Variants in MYOM1 observed in about 807,000 individuals in gnomAD.
MYOM1 encodes the protein myomesin 1.
Under a neutral mutation model 205.3 loss-of-function variants are expected in MYOM1, and 164 were observed. That is an observed-to-expected ratio of 0.80 (90% CI 0.70 to 0.91). The LOEUF is 0.91. Among genes scored for constraint, MYOM1 ranks in the 40% least tolerant of loss-of-function variants. MYOM1 has a pLI of 0.00. For missense variants in MYOM1, 2,011 were observed against 2,127.3 expected (o/e 0.95, Z 1.08); for synonymous variants, 772 against 789.4 (o/e 0.98, Z 0.37).
chr18:3,187,546 A>C lies in MYOM1; in HGVS notation c.863T>G (p.Val288Gly). The C allele has an allele frequency of 1.2e-6, 2 of 1,613,740 alleles. No individual in the cohort carries two copies. Among genetic ancestry groups the C allele is most frequent in the East Asian group, 2.2e-5 (1 of 44,864 alleles). Residue 288 changes from valine (V) to glycine (G), a missense_variant, in exon 5 of 38, where the codon GTT (valine) becomes GGT (glycine). Coordinates refer to ENST00000356443, the MANE Select transcript of MYOM1 (RefSeq NM_003803.4). ...CAATTTTACATTCTCCTTCTCCCAA[A>C]CCGTGTGGGAGCGAGGTTTAATGAT... Reference protein sequence around the residue: ...EFIIKPRSHTVWEKENVKLHC... With the variant: ...EFIIKPRSHTGWEKENVKLHC...
At chr18:3,187,180 C>T (rs1218996354) in intron 5 of MYOM1, among the ~76,000 whole-genome samples, 3 of 152,098 alleles carry the variant, frequency 2.0e-5, no homozygotes, top group South Asian at 4.1e-4. Context: ...GAGTTATAGA[C>T]ATATATTTGG....
At chr18:3,102,335 T>C in intron 23 of MYOM1, 139 bp downstream of exon 23, 1 of 929,060 alleles carries the variant, frequency 1.1e-6, no homozygotes, top group Non-Finnish European at 1.6e-6. Flanking sequence ...TTAAGTTGGT[T>C]ATTATTTTCT....
chr18:3,181,055 T>C (rs922455636), intron 5 of MYOM1, among the ~76,000 whole-genome samples: 14 of 152,060 alleles, frequency 9.2e-5, no homozygotes, highest in African/African-American at 3.4e-4. Context: ...GCCTCCCAAG[T>C]AGCTGGGACT....
intron 5 of MYOM1, among the ~76,000 whole-genome samples, chr18:3,183,090 C>T (rs1475506969): frequency 6.6e-6 from 1 of 151,986 alleles, no homozygotes; most frequent in Admixed American, 6.6e-5. Context: ...CCACCACACC[C>T]GGCTAATTTT....
intron 2 of MYOM1, among the ~76,000 whole-genome samples, chr18:3,214,400 G>A (rs988515686): frequency 2.6e-5 from 4 of 152,282 alleles, no homozygotes; most frequent in East Asian, 1.9e-4. Context: ...AGACTCGCCC[G>A]TGAGAACACC....
upstream of MYOM1, among the ~76,000 whole-genome samples, chr18:3,224,303 T>A (rs2081343477): frequency 6.6e-6 from 1 of 152,176 alleles, no homozygotes; most frequent in Non-Finnish European, 1.5e-5. Context: ...ATTACAGGCA[T>A]GAGCTACTGC....
intron 22 of MYOM1, 96 bp from the exon 23 acceptor site, chr18:3,102,726 G>C: frequency 7.7e-7 from 1 of 1,300,436 alleles, no homozygotes; most frequent in Non-Finnish European, 1.1e-6. Flanking sequence ...CCCTAAAGTA[G>C]GGCCCTGATC....
At chr18:3,154,754 C>T (rs555376506) in intron 11 of MYOM1, among the ~76,000 whole-genome samples, 193 bp downstream of exon 11, 3 of 150,400 alleles carry the variant, frequency 2.0e-5, no homozygotes, top group Non-Finnish European at 3.0e-5. Flanking sequence ...TATATACATA[C>T]AGAGAGAAAG....
chr18:3,214,899 G>GAGGTTGGA, intron 2 of MYOM1, 35 bp downstream of exon 2: 1 of 1,540,032 alleles, frequency 6.5e-7, no homozygotes, highest in Non-Finnish European at 8.7e-7. Context: ...GCCTCTTCCT[G>GAGGTTGGA]AGGTTGGAAG....
At chr18:3,078,875 T>C (rs1352052217) in intron 34 of MYOM1, among the ~76,000 whole-genome samples, 1 of 152,110 alleles carries the variant, frequency 6.6e-6, no homozygotes, top group Non-Finnish European at 1.5e-5. Context: ...TTTCACTATG[T>C]TGCTACAGGC....
rs565529919 is a variant in MYOM1 at position 3,179,480 on chromosome 18, G to C, written c.930-3346C>G. ...TGGATGATTTTAAATAAATGCACAC[G>C]AAGAAAGTAAGTTGACAGTCTCAGT... On this transcript the variant is annotated intron_variant, in intron 5 of 37. Transcript: ENST00000356443. This position sits in a 1 kb window ranked among gnomAD's most constrained non-coding sequence, Gnocchi z 4.4. 1.3e-5 allele frequency among the ~76,000 whole-genome samples: 2 copies of C among 152,148 alleles called. No individual in the cohort carries two copies. The highest frequency in any genetic ancestry group is 2.1e-4 in the South Asian group (1 of 4,830).
the MYOM1 span, among the ~76,000 whole-genome samples, chr18:3,239,780 A>G: frequency 2.7e-5 from 4 of 150,422 alleles, no homozygotes; most frequent in South Asian, 2.1e-4. Flanking sequence ...AAAAAAAAAA[A>G]AAAGAAATTG....
chr18:3,094,226 A>T lies in MYOM1; in HGVS notation c.3808T>A (p.Ser1270Thr). ...ATGTAGTTGACTTTGGCATTGCCAGACAGTTTCTCAGCCTGCATCCAAAAC... is the reference window on the plus strand; with the variant it reads ...ATGTAGTTGACTTTGGCATTGCCAGTCAGTTTCTCAGCCTGCATCCAAAAC... ...VRFWMQAEKL[S>T]GNAKVNYIFN... is the part of the protein sequence containing the mutation. The change falls in exon 26 of 38, where the codon TCT becomes ACT. Residue 1270 changes from serine to threonine, a missense_variant. Physicochemically the swap from Ser to Thr is moderately conservative, Grantham distance 58 (BLOSUM62 1). Coordinates refer to ENST00000356443, the MANE Select transcript of MYOM1 (RefSeq NM_003803.4). 1 of 1,613,988 alleles carries T rather than the reference A, an allele frequency of 6.2e-7. No individual in the cohort carries two copies. The highest frequency in any genetic ancestry group is 8.5e-7 in the Non-Finnish European group (1 of 1,179,878).
At chr18:3,165,253 T>C (rs950855406) in intron 9 of MYOM1, among the ~76,000 whole-genome samples, 5 of 152,248 alleles carry the variant, frequency 3.3e-5, no homozygotes, top group Non-Finnish European at 2.9e-5. Flanking sequence ...CAGTTTCATG[T>C]AAATCTCTAT....
chr18:3,089,361 G>T, intron 28 of MYOM1, 120 bp from the exon 29 acceptor site: 1 of 880,520 alleles, frequency 1.1e-6, no homozygotes, highest in Non-Finnish European at 1.7e-6. Context: ...TCTAGATTTA[G>T]CTTTTAAATA....
At chr18:3,077,152 A>G (rs936538300) in intron 34 of MYOM1, among the ~76,000 whole-genome samples, 1 of 151,702 alleles carries the variant, frequency 6.6e-6, no homozygotes, top group Admixed American at 6.6e-5. Context: ...AGCTGGGACT[A>G]TAGGTGTGTG....
rs137863700 is a variant in MYOM1 at position 3,148,406 on chromosome 18, T to C, written c.1900+739A>G. 5.5e-3 allele frequency among the ~76,000 whole-genome samples: 830 copies of C among 152,150 alleles called. 8 individuals are homozygous for C. Among genetic ancestry groups the C allele is most frequent in the African/African-American group, 0.017 (716 of 41,520 alleles). On this transcript the variant is annotated intron_variant, in intron 13 of 37. Coordinates refer to ENST00000356443, the MANE Select transcript of MYOM1 (RefSeq NM_003803.4). ...AAAGAAAAACAGACAAAAATGAACA[T>C]GATTCAACTGATCTACAATTGTGGA...
rs765961982 is a variant in MYOM1 at position 3,134,710 on chromosome 18, G to A, written c.2324C>T (p.Ala775Val). The A allele has an allele frequency of 1.4e-5, 22 of 1,613,728 alleles. No homozygotes were observed. Among genetic ancestry groups the A allele is most frequent in the Admixed American group, 1.0e-4 (6 of 59,972 alleles). ...CCACTTGCCAGAGCCAGCAACGCTC[G>A]CCTCTATGTAGTACCCGACCAGCTC... ...AKELVGYYIE[A>V]SVAGSGKWEP... The change falls in exon 16 of 38, where the codon GCG becomes GTG. Residue 775 changes from alanine (A) to valine (V), a missense_variant. Physicochemically the swap from Ala to Val is moderately conservative, Grantham distance 64. Transcript: ENST00000356443.
intron 2 of MYOM1, among the ~76,000 whole-genome samples, chr18:3,213,236 GC>G (rs2081212891): frequency 6.6e-6 from 1 of 152,178 alleles, no homozygotes; most frequent in South Asian, 2.1e-4. Flanking sequence ...AGAGAAAACA[GC>G]TTTTCTAGTT....
Sources: allele counts gnomAD v4.1 joint callset (sites outside exome capture counted in the v4.1 genomes callset), GRCh38; gene constraint gnomAD v4.1.1; non-coding constraint Gnocchi (gnomAD v3.1); transcripts MANE v1.5; gene names NCBI Gene and HGNC (gene_info 2026-07-23, HGNC 2026-07-21).